The following NETO1 variants were observed in gnomAD, a reference collection of about 807,000 sequenced individuals.
The protein encoded by NETO1 is neuropilin and tolloid like 1, also known as neuropilin and tolloid-like protein 1.
NETO1 carries 26 observed loss-of-function variants against 61.3 expected under a neutral mutation model. The observed-to-expected ratio is 0.42, with a 90% CI of 0.31 to 0.59. NETO1 has a LOEUF of 0.59. Among genes scored for constraint, NETO1 ranks in the 20% least tolerant of loss-of-function variants. NETO1 has a pLI of 0.12. For missense variants in NETO1, 531 were observed against 662.8 expected (o/e 0.80, Z 2.18); for synonymous variants, 225 against 225.8 (o/e 1.00, Z 0.03).
intron 4 of NETO1, among the ~76,000 whole-genome samples, chr18:72,858,595 C>T (rs2074474235): frequency 6.6e-6 from 1 of 152,100 alleles, no homozygotes; most frequent in African/African-American, 2.4e-5. Context: ...GGCTGATGCC[C>T]ATTTAGAGCC....
At chr18:72,819,207 G>A (rs2073117651) in intron 4 of NETO1, among the ~76,000 whole-genome samples, 1 of 151,978 alleles carries the variant, frequency 6.6e-6, no homozygotes, top group Admixed American at 6.5e-5. Flanking sequence ...TTAGGTGGAA[G>A]CCCACAGCCT....
In NETO1 at chr18:72,807,572, A is replaced by G. The variant is rs145541974; in HGVS notation, c.470-13168T>C. On this transcript the variant is annotated intron_variant, in intron 4 of 10. Transcript: ENST00000327305. ...TAGGCTTTTACAATGTTTACTTCTG[A>G]TAGATAGTAACAAGGCAATACTACT... Among the ~76,000 whole-genome samples the G allele has an allele frequency of 1.9e-3, 291 of 152,252 alleles. 2 individuals carry two copies. The highest frequency in any genetic ancestry group is 6.7e-3 in the African/African-American group (280 of 41,558).
At chr18:72,848,512 A>G (rs2145556214) in intron 4 of NETO1, among the ~76,000 whole-genome samples, 1 of 152,364 alleles carries the variant, frequency 6.6e-6, no homozygotes, top group East Asian at 1.9e-4. Context: ...ACACAATGGT[A>G]GGGCAGGCAA....
At chr18:72,756,342 C>T (rs1446305649) in intron 7 of NETO1, among the ~76,000 whole-genome samples, 195 bp from the exon 8 acceptor site, 1 of 152,110 alleles carries the variant, frequency 6.6e-6, no homozygotes, top group East Asian at 1.9e-4. Flanking sequence ...GCTGGCATTC[C>T]TCTAGAGAGG....
chr18:72,850,109 T>C (rs1328104579), intron 4 of NETO1, among the ~76,000 whole-genome samples: 1 of 152,236 alleles, frequency 6.6e-6, no homozygotes, highest in East Asian at 1.9e-4. Context: ...GACATATTCA[T>C]AGATTGCAGA....
chr18:72,862,612 C>CTTTTTTTTCTTTTT (rs1568275640), intron 3 of NETO1, among the ~76,000 whole-genome samples: 20 of 106,892 alleles, frequency 1.9e-4, no homozygotes, highest in Admixed American at 8.3e-4. Context: ...ACTCATGATC[C>CTTTTTTTTCTTTTT]TTTTTTTTTC....
intron 4 of NETO1, among the ~76,000 whole-genome samples, chr18:72,836,815 C>T (rs1421237203): frequency 2.0e-5 from 3 of 151,908 alleles, no homozygotes; most frequent in Non-Finnish European, 4.4e-5. Flanking sequence ...ATTTTTGTTT[C>T]GTGTATCTCG....
intron 6 of NETO1, among the ~76,000 whole-genome samples, chr18:72,790,254 T>C (rs2072068913): frequency 6.6e-6 from 1 of 152,172 alleles, no homozygotes; most frequent in Admixed American, 6.5e-5. Context: ...GATTTGTTAA[T>C]TAGCTTGATT....
chr18:72,766,220 A>ATATATGTGTGTG (rs1491565058), intron 7 of NETO1, among the ~76,000 whole-genome samples: 5 of 144,676 alleles, frequency 3.5e-5, no homozygotes, highest in African/African-American at 1.3e-4. Flanking sequence ...AAAAAAAAAT[A>ATATATGTGTGTG]TGTGTGTGTG....
At chr18:72,815,524 T>C (rs551251818) in intron 4 of NETO1, among the ~76,000 whole-genome samples, 30 of 152,236 alleles carry the variant, frequency 2.0e-4, no homozygotes, top group Non-Finnish European at 4.0e-4. Context: ...AAGAGGAAAT[T>C]TGAGCCTCTA....
In NETO1 at chr18:72,745,999, T is replaced by G. The variant is rs2145057468; in HGVS notation, c.*2180A>C. The G allele has an allele frequency of 6.6e-6, 1 of 152,294 alleles. No homozygotes were observed. Among genetic ancestry groups the G allele is most frequent in the South Asian group, 2.1e-4 (1 of 4,828 alleles). 9.4% of individuals were successfully genotyped at this position (152,294 alleles called of 1,614,324 possible). ...TTCATTCTTATTATTATACTTCATT[T>G]AGTGTTTTTTTTTAAAGTCCCATTG... On this transcript the variant is annotated 3_prime_UTR_variant, in exon 11 of 11. Coordinates refer to ENST00000327305, the MANE Select transcript of NETO1 (RefSeq NM_138966.5).
chr18:72,848,043 G>A (rs1261777607), intron 4 of NETO1, among the ~76,000 whole-genome samples: 2 of 152,084 alleles, frequency 1.3e-5, no homozygotes, highest in African/African-American at 4.8e-5. Flanking sequence ...TTCACATTGT[G>A]CCTTCTGGCA....
At chr18:72,840,993 C>T (rs1480437801) in intron 4 of NETO1, among the ~76,000 whole-genome samples, 1 of 152,048 alleles carries the variant, frequency 6.6e-6, no homozygotes, top group Admixed American at 6.6e-5. Context: ...CTTTCCTTGC[C>T]CCTATTAGCA....
intron 4 of NETO1, among the ~76,000 whole-genome samples, chr18:72,796,604 G>A (rs1222458449): frequency 2.0e-5 from 3 of 151,854 alleles, no homozygotes; most frequent in African/African-American, 7.3e-5. Flanking sequence ...AGCCTCCCAA[G>A]TAGCTGGGAC....
intron 4 of NETO1, 113 bp downstream of exon 4, chr18:72,858,713 T>C (rs988364500): frequency 2.1e-5 from 23 of 1,100,604 alleles, no homozygotes; most frequent in Non-Finnish European, 2.8e-5. Context: ...TGGTTTTAAA[T>C]AGAACTGGAA....
chr18:72,854,249 A>G (rs2074347539), intron 4 of NETO1, among the ~76,000 whole-genome samples: 1 of 152,182 alleles, frequency 6.6e-6, no homozygotes. Flanking sequence ...TAATAATTTC[A>G]ATATATTTAA....
chr18:72,863,950 T>C (rs1224767829), intron 3 of NETO1, among the ~76,000 whole-genome samples: 1 of 152,166 alleles, frequency 6.6e-6, no homozygotes, highest in East Asian at 1.9e-4. Flanking sequence ...CCGGGAGCCA[T>C]GGTTCACGCC....
intron 7 of NETO1, among the ~76,000 whole-genome samples, chr18:72,767,044 A>G (rs2071190225): frequency 6.6e-6 from 1 of 152,156 alleles, no homozygotes; most frequent in African/African-American, 2.4e-5. Context: ...TAATATGTAC[A>G]TGTCAGTAGC....
intron 7 of NETO1, among the ~76,000 whole-genome samples, chr18:72,766,220 ATGTGTGTGTGTGTGTG>A (rs34670401): frequency 1.4e-5 from 2 of 144,760 alleles, no homozygotes; most frequent in Admixed American, 6.9e-5. Flanking sequence ...AAAAAAAAAT[ATGTGTGTGTGTGTGTG>A]TGTGTGTGTG....
Sources: gnomAD v4.1 joint callset for allele counts (sites outside exome capture counted in the v4.1 genomes callset) on GRCh38, gnomAD v4.1.1 for gene constraint, MANE v1.5 for transcripts, NCBI Gene and HGNC (gene_info 2026-07-23, HGNC 2026-07-21) for gene names.